The following MAPK14 variants were observed in gnomAD, a reference collection of about 807,000 sequenced individuals.
MAPK14 encodes the protein CSAID-binding protein.
MAPK14 carries 16 observed loss-of-function variants against 49.6 expected under a neutral mutation model. The observed-to-expected ratio is 0.32, with a 90% CI of 0.22 to 0.49. MAPK14 has a LOEUF of 0.49. MAPK14 is among the 20% of genes least tolerant of loss of function. The pLI is 0.99. For synonymous variants in MAPK14, 142 were observed against 158.0 expected, an observed-to-expected ratio of 0.90 and a Z score of 0.76; for missense variants, 200 against 441.2, an observed-to-expected ratio of 0.45 and a Z score of 4.90.
chr6:36,072,704 G>A (rs1257296865), intron 3 of MAPK14, among the ~76,000 whole-genome samples, 169 bp from the exon 4 acceptor site: 2 of 152,170 alleles, frequency 1.3e-5, no homozygotes, highest in Non-Finnish European at 1.5e-5. Context: ...GGCAGAGGTT[G>A]TAGTGAGCTG....
intron 1 of MAPK14, among the ~76,000 whole-genome samples, chr6:36,029,754 G>C (rs1016850740): frequency 4.6e-5 from 7 of 152,290 alleles, no homozygotes; most frequent in Non-Finnish European, 8.8e-5. Context: ...TTATGTTGCA[G>C]ATAGCACCGT....
chr6:36,117,738 A>C, the MAPK14 span, among the ~76,000 whole-genome samples: 3 of 152,232 alleles, frequency 2.0e-5, no homozygotes, highest in Non-Finnish European at 4.4e-5. Flanking sequence ...CCCTGAGTAT[A>C]CAGTAAATGC....
intron 2 of MAPK14, among the ~76,000 whole-genome samples, chr6:36,053,370 C>T (rs1420059811): frequency 2.6e-5 from 4 of 151,434 alleles, no homozygotes; most frequent in Non-Finnish European, 4.4e-5. Context: ...TCCAGATTCA[C>T]GTATTTTAAT....
chr6:36,081,072 T>A (rs1267396045), intron 8 of MAPK14, among the ~76,000 whole-genome samples: 1 of 152,192 alleles, frequency 6.6e-6, no homozygotes, highest in Non-Finnish European at 1.5e-5. Context: ...TCTTAGACCC[T>A]TATCAGATAC....
At chr6:36,042,831 A>C (rs1285859757) in intron 1 of MAPK14, among the ~76,000 whole-genome samples, 2 of 151,994 alleles carry the variant, frequency 1.3e-5, no homozygotes, top group African/African-American at 4.8e-5. Flanking sequence ...TTCTACTTTC[A>C]TTTGGAACTT....
chr6:36,059,614 G>T (rs532813169), intron 3 of MAPK14, among the ~76,000 whole-genome samples: 8 of 152,332 alleles, frequency 5.3e-5, no homozygotes, highest in African/African-American at 1.9e-4. Flanking sequence ...GGAGTGGAGA[G>T]AGTTTTGACT....
intron 1 of MAPK14, among the ~76,000 whole-genome samples, chr6:36,038,538 C>T (rs961825707): frequency 6.6e-6 from 1 of 152,172 alleles, no homozygotes; most frequent in African/African-American, 2.4e-5. Context: ...TAACAGATTA[C>T]TGTGCTCTAG....
At chr6:36,115,026 A>G (rs1766036745), downstream of MAPK14, among the ~76,000 whole-genome samples, 4 of 152,178 alleles carry the variant, frequency 2.6e-5, no homozygotes, top group Admixed American at 2.6e-4. Context: ...TCTAAAGCCA[A>G]CTGGGGAGAG....
chr6:36,047,506 A>G (rs1439007518), intron 1 of MAPK14, among the ~76,000 whole-genome samples: 1 of 152,182 alleles, frequency 6.6e-6, no homozygotes, highest in Admixed American at 6.5e-5. Context: ...TGCCAAGGAG[A>G]TTCCTTGAAT....
rs386358922 is a variant in MAPK14 at position 36,065,507 on chromosome 6, GGTGTGT to G, written c.305+6195_305+6200del. Among the ~76,000 whole-genome samples the G allele has an allele frequency of 1.7e-3, 210 of 122,542 alleles. 1 individual carries two copies. Among genetic ancestry groups the G allele is most frequent in the Middle Eastern group, 0.014 (3 of 220 alleles). 80.4% of individuals were successfully genotyped at this position (122,542 alleles called of 152,430 possible). On this transcript the variant is annotated intron_variant, in intron 3 of 11. Transcript: ENST00000229794. ...GAGAGAGGGAGCTGAGGGCAGAAAA[GGTGTGT>G]GTGTGTGTGTGTGTGTGTGTGTGTG...
chr6:36,113,752 G>C (rs1233960261), downstream of MAPK14, among the ~76,000 whole-genome samples: 4 of 152,098 alleles, frequency 2.6e-5, no homozygotes, highest in South Asian at 2.1e-4. Flanking sequence ...TTCTTTCTTT[G>C]TTTTGTTTTT....
At chr6:36,071,994 T>G (rs1162426910) in intron 3 of MAPK14, among the ~76,000 whole-genome samples, 1 of 152,152 alleles carries the variant, frequency 6.6e-6, no homozygotes, top group Non-Finnish European at 1.5e-5. Context: ...CCTGGTTTCT[T>G]TTTTCTTGAG....
At chr6:36,118,091 G>A in the MAPK14 span, among the ~76,000 whole-genome samples, 2 of 152,248 alleles carry the variant, frequency 1.3e-5, no homozygotes, top group East Asian at 1.9e-4. Flanking sequence ...GTGTCTTGCT[G>A]TGTAATTCAA....
rs370018851 is a variant in MAPK14, at chr6:36,037,278, C to A, written c.116+9005C>A. On this transcript the variant is annotated intron_variant, in intron 1 of 11. Transcript: ENST00000229794. ...ATGTGTTAAGGATTTACAAAATTAA[C>A]CAGCTTTCCCGTGCAGTGTTCAAGT... Among the ~76,000 whole-genome samples the A allele has an allele frequency of 8.5e-5, 13 of 152,188 alleles. No homozygotes were observed. The East Asian group carries it at 2.3e-3, about 27-fold the overall frequency.
chr6:36,121,439 A>C, the MAPK14 span, among the ~76,000 whole-genome samples: 1 of 152,148 alleles, frequency 6.6e-6, no homozygotes, highest in African/African-American at 2.4e-5. Flanking sequence ...CCCTCTTTCC[A>C]GGTGACCAAA....
intron 9 of MAPK14, chr6:36,100,231 C>G (rs902726691): frequency 1.9e-6 from 3 of 1,613,868 alleles, no homozygotes; most frequent in Non-Finnish European, 2.5e-6. Context: ...CAGGAACACC[C>G]CCCGCTTATC....
At chr6:36,042,391 TC>T (rs759604346) in intron 1 of MAPK14, among the ~76,000 whole-genome samples, 2 of 152,072 alleles carry the variant, frequency 1.3e-5, no homozygotes, top group Non-Finnish European at 2.9e-5. Context: ...TATGTGTGCC[TC>T]TGTTCATTTT....
intron 9 of MAPK14, 37 bp from the exon 10 acceptor site, chr6:36,102,534 T>C (rs765866824): frequency 2.0e-6 from 3 of 1,510,852 alleles, no homozygotes; most frequent in Non-Finnish European, 2.8e-6. Flanking sequence ...AGTAACATTA[T>C]TGAACAAAGT....
intron 8 of MAPK14, among the ~76,000 whole-genome samples, chr6:36,083,142 G>A (rs1374142926): frequency 1.3e-5 from 2 of 152,218 alleles, no homozygotes; most frequent in Non-Finnish European, 1.5e-5. Flanking sequence ...GGCAACTGAG[G>A]TATTCACCTT....
Sources: gnomAD v4.1 joint callset for allele counts (sites outside exome capture counted in the v4.1 genomes callset) on GRCh38, gnomAD v4.1.1 for gene constraint, MANE v1.5 for transcripts, NCBI Gene and HGNC (gene_info 2026-07-23, HGNC 2026-07-21) for gene names.